Variants in PGM2 observed in about 807,000 individuals in gnomAD.
The protein encoded by PGM2 is phosphopentomutase.
A neutral mutation model predicts 74.6 loss-of-function variants in PGM2; 57 were observed. The observed-to-expected ratio is 0.76, with a 90% CI of 0.62 to 0.95. The LOEUF (loss-of-function observed/expected upper bound fraction) is 0.95. Ranked by LOEUF, PGM2 falls within the 40% of genes least tolerant of loss-of-function variation. The pLI is 0.00. For missense variants in PGM2, 706 were observed against 741.9 expected (o/e 0.95, Z 0.56); for synonymous variants, 273 against 260.7 (o/e 1.05, Z -0.46).
chr4:37,848,562 C>T lies in PGM2; in HGVS notation c.1323C>T (p.Val441=). 1 of 1,613,402 alleles carries T rather than the reference C, an allele frequency of 6.2e-7. No individual in the cohort carries two copies. The highest frequency in any genetic ancestry group is 8.5e-7 in the Non-Finnish European group (1 of 1,179,360). Reference sequence around the variant, plus strand: ...CTTTTGTTCTGGACAAAGATGGAGTCAGTGCCGCTGTCATAAGTGCAGAGT... The same window carrying T: ...CTTTTGTTCTGGACAAAGATGGAGTTAGTGCCGCTGTCATAAGTGCAGAGT... The part of the protein sequence containing the change: ...CCPFVLDKDG[V]SAAVISAELA... The change falls in exon 11 of 14, where the codon GTC becomes GTT. Residue 441 remains valine, a synonymous_variant. Coordinates refer to ENST00000381967, the MANE Select transcript of PGM2 (RefSeq NM_018290.4).
intron 1 of PGM2, 71 bp from the exon 2 acceptor site, chr4:37,829,889 ATGAT>A: frequency 5.8e-6 from 4 of 695,232 alleles, no homozygotes; most frequent in Non-Finnish European, 9.2e-6. Context: ...ATAGATTAGA[ATGAT>A]TGTGAATTTT....
rs778968323 is a variant in PGM2 at position 37,852,133 on chromosome 4, C to CTTT, written c.1602+1784_1602+1786dup. Among the ~76,000 whole-genome samples the CTTT allele has an allele frequency of 9.9e-4, 47 of 47,274 alleles. 5 individuals carry two copies. The highest frequency in any genetic ancestry group is 1.4e-3 in the Non-Finnish European group (34 of 25,028). The allele number at this position is 47,274 out of a possible 152,430, so 31.0% of individuals were successfully genotyped here. ...CAAGGGTATGCCATCATGCCCAGCT[C>CTTT]TTTTTTTTTTTTTTTTTTTTTTTTT... is the stretch of plus-strand genomic sequence containing the variant. On this transcript the variant is annotated intron_variant, in intron 12 of 13. Transcript: ENST00000381967.
rs182568859 is a variant in PGM2 at position 37,849,843 on chromosome 4, A to G, written c.1413-341A>G. 8.2e-3 allele frequency among the ~76,000 whole-genome samples: 1,249 copies of G among 151,900 alleles called. 18 individuals are homozygous for G. Among genetic ancestry groups the G allele is most frequent in the African/African-American group, 0.028 (1,166 of 41,418 alleles). On this transcript the variant is annotated intron_variant, in intron 11 of 13. Coordinates refer to ENST00000381967, the MANE Select transcript of PGM2 (RefSeq NM_018290.4). ...CTCTCGTTGCCCAGGCTAGAGTGCA[A>G]TGGCACAATCTTGGCTCACTGAATC...
chr4:37,855,106 G>A (rs1027843247), intron 12 of PGM2, among the ~76,000 whole-genome samples: 5 of 152,088 alleles, frequency 3.3e-5, no homozygotes, highest in African/African-American at 7.2e-5. Context: ...TATAGTCACC[G>A]TATTGTACAA....
Position 37,826,687 on chromosome 4 carries a change from G to A in PGM2, c.-46G>A, listed in dbSNP as rs939445830. ...CGTCTTGGGGCCGGGCCGGAAGGCA[G>A]ATCTCACCGCCTGCTTCCCTCTGCA... On this transcript the variant is annotated 5_prime_UTR_variant, in exon 1 of 14. Coordinates refer to ENST00000381967, the MANE Select transcript of PGM2 (RefSeq NM_018290.4). The A allele has an allele frequency of 6.2e-6, 9 of 1,457,780 alleles. No homozygotes were observed. The Admixed American group carries it at 1.4e-4, about 22-fold the overall frequency. 90.3% of individuals were successfully genotyped at this position (1,457,780 alleles called of 1,614,324 possible).
chr4:37,852,183 T>A (rs542898330), intron 12 of PGM2, among the ~76,000 whole-genome samples: 1 of 135,868 alleles, frequency 7.4e-6, no homozygotes, highest in East Asian at 2.2e-4. Context: ...TCTCCCTAGG[T>A]TTCCCAGGCA....
At chr4:37,853,940 C>T (rs1420635844) in intron 12 of PGM2, among the ~76,000 whole-genome samples, 1 of 152,208 alleles carries the variant, frequency 6.6e-6, no homozygotes, top group African/African-American at 2.4e-5. Context: ...GGTCTAAGAA[C>T]TTCTTTCAAA....
chr4:37,848,138 G>T (rs531307173), intron 10 of PGM2, among the ~76,000 whole-genome samples: 1 of 152,332 alleles, frequency 6.6e-6, no homozygotes, highest in Admixed American at 6.5e-5. Context: ...GATAGATTTA[G>T]TTAAGTAATC....
At chr4:37,829,877 C>A in intron 1 of PGM2, 87 bp from the exon 2 acceptor site, 1 of 524,784 alleles carries the variant, frequency 1.9e-6, no homozygotes, top group Non-Finnish European at 3.1e-6. Flanking sequence ...TATATATTTT[C>A]TATAGATTAG....
At chr4:37,852,514 G>A (rs1245259238) in intron 12 of PGM2, among the ~76,000 whole-genome samples, 1 of 135,210 alleles carries the variant, frequency 7.4e-6, no homozygotes, top group Non-Finnish European at 1.7e-5. Context: ...TCCTCTAATA[G>A]CTTTCTGAGA....
At position 37,829,945 on chromosome 4, in the gene PGM2, A is replaced by G. The variant is rs377263220; in HGVS notation, c.82-19A>G. 53 of 1,547,192 alleles carry G rather than the reference A, an allele frequency of 3.4e-5. No individual in the cohort carries two copies. The highest frequency in any genetic ancestry group is 9.1e-5 in the East Asian group (4 of 43,924). ...TTCATTCACTTGTCTGGCTGTGTCTATACATTTTTGTTTTTCAGAATTCCT... is the reference window on the plus strand; with the variant it reads ...TTCATTCACTTGTCTGGCTGTGTCTGTACATTTTTGTTTTTCAGAATTCCT... On this transcript the variant is annotated intron_variant, in intron 1 of 13. Coordinates refer to ENST00000381967, the MANE Select transcript of PGM2 (RefSeq NM_018290.4).
intron 13 of PGM2, among the ~76,000 whole-genome samples, chr4:37,858,467 G>A (rs960433620): frequency 6.6e-6 from 1 of 151,126 alleles, no homozygotes; most frequent in Non-Finnish European, 1.5e-5. Context: ...CTCCTGAGTA[G>A]CTGAGATTAC....
chr4:37,849,752 G>A (rs185439384), intron 11 of PGM2, among the ~76,000 whole-genome samples: 1 of 151,622 alleles, frequency 6.6e-6, no homozygotes, highest in African/African-American at 2.4e-5. Context: ...TTCCTTTGGC[G>A]TCAGTTTTGG....
At chr4:37,858,805 T>C (rs60605708) in intron 13 of PGM2, among the ~76,000 whole-genome samples, 29,430 of 152,096 alleles carry the variant, frequency 0.19, 3,519 homozygotes, top group East Asian at 0.41. Context: ...GCTTTAAAAA[T>C]ATATTTTTGT....
At chr4:37,832,017 A>G (rs1308523894) in intron 2 of PGM2, among the ~76,000 whole-genome samples, 1 of 152,222 alleles carries the variant, frequency 6.6e-6, no homozygotes, top group Non-Finnish European at 1.5e-5. Context: ...GAATAATGAA[A>G]TGTATTCCCA....
intron 13 of PGM2, among the ~76,000 whole-genome samples, chr4:37,857,920 T>C (rs930873054): frequency 1.3e-5 from 2 of 152,216 alleles, no homozygotes; most frequent in African/African-American, 4.8e-5. Flanking sequence ...CTTGCTTATT[T>C]AGTGTTTTCT....
At chr4:37,853,782 T>C (rs1250317058) in intron 12 of PGM2, among the ~76,000 whole-genome samples, 1 of 152,150 alleles carries the variant, frequency 6.6e-6, no homozygotes, top group Non-Finnish European at 1.5e-5. Flanking sequence ...GACTTCTACT[T>C]GATCCCTCTG....
intron 3 of PGM2, among the ~76,000 whole-genome samples, chr4:37,836,572 G>A (rs1248305853): frequency 1.3e-5 from 2 of 152,136 alleles, no homozygotes; most frequent in Non-Finnish European, 2.9e-5. Context: ...TCTGCTCTTT[G>A]TGCCCCAGCC....
At chr4:37,841,460 T>C (rs963524304) in intron 6 of PGM2, among the ~76,000 whole-genome samples, 3 of 152,066 alleles carry the variant, frequency 2.0e-5, no homozygotes, top group African/African-American at 7.2e-5. Flanking sequence ...TTGTCTTTGA[T>C]ACTGTATTTG....
Sources: allele counts gnomAD v4.1 joint callset (sites outside exome capture counted in the v4.1 genomes callset), GRCh38; gene constraint gnomAD v4.1.1; transcripts MANE v1.5; gene names NCBI Gene and HGNC (gene_info 2026-07-23, HGNC 2026-07-21).